The following ABCC4 variants were observed in gnomAD, a reference collection of about 807,000 sequenced individuals.
The protein encoded by ABCC4 is ATP-binding cassette sub-family C member 4.
ABCC4 carries 102 observed loss-of-function variants against 168.5 expected under a neutral mutation model. The observed-to-expected ratio is 0.61, with a 90% confidence interval of 0.52 to 0.71. The LOEUF (loss-of-function observed/expected upper bound fraction) is 0.71. Ranked by LOEUF, ABCC4 falls within the 30% of genes least tolerant of loss-of-function variation. The pLI, the probability that ABCC4 is intolerant of heterozygous loss-of-function variation, is 0.00. For synonymous variants in ABCC4, 617 were observed against 590.7 expected (o/e 1.04, Z -0.65); for missense variants, 1,402 against 1,605.8 (o/e 0.87, Z 2.17).
At position 95,020,697 on chromosome 13, in the gene ABCC4, G is replaced by A. The variant is rs907069423; in HGVS notation, c.*878C>T. 2.0e-5 allele frequency: 3 copies of A among 152,206 alleles called. No homozygotes were observed. The South Asian group carries it at 6.2e-4, about 32-fold the overall frequency. The allele number at this position is 152,206 out of a possible 1,614,324, so 9.4% of individuals were successfully genotyped here. A position where few individuals can be genotyped will look rare whatever the true frequency, so the allele number is the denominator to read the frequency against. Reference sequence around the variant, plus strand: ...TACAGCCCAAACCAAAAGGCTTACAGTCAACAGAGGGTTAGCCTTCCATAA... The same window carrying A: ...TACAGCCCAAACCAAAAGGCTTACAATCAACAGAGGGTTAGCCTTCCATAA... On this transcript the variant is annotated 3_prime_UTR_variant, in exon 31 of 31. Coordinates refer to ENST00000645237, the MANE Select transcript of ABCC4 (RefSeq NM_005845.5).
intron 29 of ABCC4, among the ~76,000 whole-genome samples, chr13:95,035,700 A>G (rs780663999): frequency 2.0e-5 from 3 of 152,174 alleles, no homozygotes; most frequent in Non-Finnish European, 4.4e-5. Flanking sequence ...ATTTCTACTT[A>G]TTAGTGGCTT....
intron 20 of ABCC4, among the ~76,000 whole-genome samples, chr13:95,088,086 T>C (rs1566406300): frequency 1.3e-5 from 2 of 152,234 alleles, no homozygotes; most frequent in Admixed American, 6.5e-5. Context: ...TGCTTAATCC[T>C]GAGTCCCAGC....
At chr13:95,168,861 T>A (rs2037373862) in intron 14 of ABCC4, among the ~76,000 whole-genome samples, 1 of 152,202 alleles carries the variant, frequency 6.6e-6, no homozygotes, top group Non-Finnish European at 1.5e-5. Flanking sequence ...AAAGATATGT[T>A]CGAGTCCTAA....
chr13:95,047,425 T>C (rs1043613014), intron 27 of ABCC4, among the ~76,000 whole-genome samples: 4 of 146,152 alleles, frequency 2.7e-5, no homozygotes, highest in Admixed American at 2.7e-4. Flanking sequence ...AGATAATATC[T>C]ATTCTTTTTG....
At chr13:95,034,769 A>G in intron 29 of ABCC4, 30 bp from the exon 30 acceptor site, 1 of 1,613,522 alleles carries the variant, frequency 6.2e-7, no homozygotes. Context: ...AACCCATTGA[A>G]ACACAATGTT....
At chr13:95,144,510 T>C (rs1308938887) in intron 19 of ABCC4, among the ~76,000 whole-genome samples, 1 of 152,178 alleles carries the variant, frequency 6.6e-6, no homozygotes. Context: ...CCATATTCTC[T>C]GCCCAACAGC....
At chr13:95,212,136 C>T (rs1232044620) in intron 4 of ABCC4, among the ~76,000 whole-genome samples, 1 of 146,038 alleles carries the variant, frequency 6.8e-6, no homozygotes, top group East Asian at 2.0e-4. Context: ...GATTGCACCA[C>T]TGTACTCCAG....
chr13:95,188,147 G>A (rs903605078), intron 10 of ABCC4, among the ~76,000 whole-genome samples: 1 of 144,530 alleles, frequency 6.9e-6, no homozygotes, highest in Non-Finnish European at 1.5e-5. Context: ...ACAAAAAGAA[G>A]TTCCCACTTT....
intron 19 of ABCC4, among the ~76,000 whole-genome samples, chr13:95,153,538 C>G (rs1367898694): frequency 6.6e-6 from 1 of 152,108 alleles, no homozygotes; most frequent in South Asian, 2.1e-4. Context: ...TATAGGAAAA[C>G]AATTTAACAC....
At position 95,069,454 on chromosome 13, in the gene ABCC4, T is replaced by G. The variant is rs575938683; in HGVS notation, c.3210+2208A>C. ...GGTACTTTATGTACTTTTCAAATTG[T>G]GGTAAAGTAACATAAAATTGATCAT... On this transcript the variant is annotated intron_variant, in intron 25 of 30. Transcript: ENST00000645237. 2.6e-4 allele frequency among the ~76,000 whole-genome samples: 40 copies of G among 152,300 alleles called. 1 individual carries two copies. Among genetic ancestry groups the G allele is most frequent in the African/African-American group, 9.4e-4 (39 of 41,578 alleles).
intron 10 of ABCC4, 36 bp downstream of exon 10, chr13:95,188,417 G>T: frequency 6.3e-7 from 1 of 1,583,746 alleles, no homozygotes; most frequent in Non-Finnish European, 8.7e-7. Flanking sequence ...TGATAAGTGG[G>T]GTTGCAACAA....
rs1007583408 is a variant in ABCC4, at chr13:95,166,636, C to T, written c.1825-269G>A. On this transcript the variant is annotated intron_variant, in intron 14 of 30. Transcript: ENST00000645237. The stretch of plus-strand genomic sequence containing the variant: ...TTATTATCACACAGATGTTGGTGAC[C>T]GTATTGGTAGTCTTATTACAGAACA... Among the ~76,000 whole-genome samples, 12 of 152,094 alleles carry T rather than the reference C, an allele frequency of 7.9e-5. No individual in the cohort carries two copies. In the South Asian group the frequency reaches 8.3e-4, roughly 11 times the overall value.
intron 25 of ABCC4, among the ~76,000 whole-genome samples, chr13:95,066,509 A>T (rs2033552117): frequency 6.6e-6 from 1 of 152,248 alleles, no homozygotes; most frequent in African/African-American, 2.4e-5. Context: ...CAGAGAGTTA[A>T]GCATTTAACT....
At chr13:95,215,509 G>A (rs1025984931) in intron 4 of ABCC4, among the ~76,000 whole-genome samples, 4 of 152,100 alleles carry the variant, frequency 2.6e-5, no homozygotes, top group South Asian at 2.1e-4. Flanking sequence ...TAAAATATAC[G>A]ACAATAGCAC....
chr13:95,196,645 G>A (rs866740324), intron 8 of ABCC4, among the ~76,000 whole-genome samples: 10 of 19,224 alleles, frequency 5.2e-4, no homozygotes, highest in South Asian at 2.3e-3. Context: ...AGGAAGGAAG[G>A]AAGGAAGGAA....
chr13:95,104,611 C>T (rs906971509), intron 20 of ABCC4, among the ~76,000 whole-genome samples: 2 of 152,204 alleles, frequency 1.3e-5, no homozygotes, highest in African/African-American at 2.4e-5. Flanking sequence ...CCCAAGGCTT[C>T]GACTTGTCAA....
chr13:95,140,471 T>A (rs1209606105), intron 19 of ABCC4, among the ~76,000 whole-genome samples: 1 of 152,236 alleles, frequency 6.6e-6, no homozygotes, highest in African/African-American at 2.4e-5. Flanking sequence ...TGGATATCTT[T>A]ACAGATAGTT....
At chr13:95,177,844 T>G in intron 12 of ABCC4, 51 bp from the exon 13 acceptor site, 1 of 1,550,490 alleles carries the variant, frequency 6.4e-7, no homozygotes, top group Non-Finnish European at 8.9e-7. Flanking sequence ...ATGACAACTT[T>G]CAACAACTGG....
intron 4 of ABCC4, among the ~76,000 whole-genome samples, chr13:95,218,985 G>GAAAGAA (rs1431739821): frequency 8.5e-5 from 2 of 23,448 alleles, no homozygotes; most frequent in Non-Finnish European, 2.5e-4. Flanking sequence ...AAGAAAGAAA[G>GAAAGAA]AGTGAGAAAG....
Sources: allele counts gnomAD v4.1 joint callset (sites outside exome capture counted in the v4.1 genomes callset), GRCh38; gene constraint gnomAD v4.1.1; transcripts MANE v1.5; gene names NCBI Gene and HGNC (gene_info 2026-07-23, HGNC 2026-07-21).